Variants in MEI4 observed in about 807,000 individuals in gnomAD.
MEI4 encodes the protein meiosis-specific protein MEI4.
MEI4 carries 27 observed loss-of-function variants against 31.4 expected under a neutral mutation model. The ratio of observed to expected loss-of-function variants is 0.86; its 90% CI spans 0.63 to 1.19. The LOEUF (loss-of-function observed/expected upper bound fraction) is 1.19. MEI4 is among the 50% of genes most tolerant of loss of function. MEI4 has a pLI of 0.00. For missense variants in MEI4, 329 were observed against 398.9 expected (o/e 0.82, Z 1.49); for synonymous variants, 122 against 145.4 (o/e 0.84, Z 1.16).
intron 2 of MEI4, among the ~76,000 whole-genome samples, chr6:77,714,595 C>T (rs1766538489): frequency 1.3e-5 from 2 of 152,144 alleles, no homozygotes; most frequent in African/African-American, 4.8e-5. Flanking sequence ...ACAGTGAAGA[C>T]CACGTTTTAA....
chr6:77,652,224 G>A (rs1170720828), upstream of MEI4, among the ~76,000 whole-genome samples: 3 of 152,168 alleles, frequency 2.0e-5, no homozygotes, highest in Non-Finnish European at 4.4e-5. Context: ...CAATCATAAT[G>A]ACGAGATACT....
At chr6:77,775,114 GACCTCCTGGACAATTCAGGATT>G (rs147790738) in intron 3 of MEI4, among the ~76,000 whole-genome samples, 8,542 of 152,068 alleles carry the variant, frequency 0.056, 654 homozygotes, top group African/African-American at 0.17. Flanking sequence ...GGCATTTAGG[GACCTCCTGGACAATTCAGGATT>G]ACCTCTTCAT....
chr6:77,838,869 C>T (rs987578857), intron 4 of MEI4, among the ~76,000 whole-genome samples: 2 of 151,538 alleles, frequency 1.3e-5, no homozygotes, highest in African/African-American at 4.9e-5. Flanking sequence ...TGCCATTGCA[C>T]TCCAACCTGG....
intron 4 of MEI4, among the ~76,000 whole-genome samples, chr6:77,866,118 A>G (rs1342965230): frequency 6.6e-6 from 1 of 151,928 alleles, no homozygotes; most frequent in Non-Finnish European, 1.5e-5. Context: ...CCCACAGCCA[A>G]TATCATACTG....
intron 4 of MEI4, among the ~76,000 whole-genome samples, chr6:77,846,017 TTTCTA>T (rs1770475209): frequency 6.6e-6 from 1 of 152,068 alleles, no homozygotes; most frequent in South Asian, 2.1e-4. Context: ...CATTTCTTCT[TTTCTA>T]TTACATATCA....
intron 4 of MEI4, among the ~76,000 whole-genome samples, chr6:77,844,031 A>C (rs1770422748): frequency 6.6e-6 from 1 of 152,084 alleles, no homozygotes; most frequent in South Asian, 2.1e-4. Context: ...TTTATCCCTA[A>C]GGAGTTAAAT....
chr6:77,866,100 A>G (rs541830235), intron 4 of MEI4, among the ~76,000 whole-genome samples: 84 of 151,882 alleles, frequency 5.5e-4, no homozygotes, highest in Non-Finnish European at 1.0e-3. Flanking sequence ...AGAGCTATCT[A>G]TGACAAACCC....
At chr6:77,867,053 C>G (rs1374336058) in intron 4 of MEI4, among the ~76,000 whole-genome samples, 1 of 152,140 alleles carries the variant, frequency 6.6e-6, no homozygotes, top group Non-Finnish European at 1.5e-5. Flanking sequence ...TCTTCCTTAA[C>G]ACCTTATACA....
At chr6:77,682,099 T>A (rs1331929253) in intron 1 of MEI4, among the ~76,000 whole-genome samples, 1 of 152,176 alleles carries the variant, frequency 6.6e-6, no homozygotes, top group East Asian at 1.9e-4. Flanking sequence ...ATCTCAAAAG[T>A]CTTGTAATTT....
At chr6:77,805,771 T>C (rs9343669) in intron 3 of MEI4, among the ~76,000 whole-genome samples, 22,644 of 152,070 alleles carry the variant, frequency 0.15, 2,050 homozygotes, top group East Asian at 0.39. Context: ...GTCTCTTACA[T>C]AGATAATTTT....
At chr6:77,799,659 T>A (rs1169134408) in intron 3 of MEI4, among the ~76,000 whole-genome samples, 3 of 152,170 alleles carry the variant, frequency 2.0e-5, no homozygotes, top group African/African-American at 7.2e-5. Context: ...CCGTCTTGAA[T>A]TAATTTTTGT....
At chr6:77,834,749 T>A (rs544927061) in intron 4 of MEI4, among the ~76,000 whole-genome samples, 4 of 152,200 alleles carry the variant, frequency 2.6e-5, no homozygotes, top group Non-Finnish European at 4.4e-5. Context: ...AGGGTAAAGA[T>A]TAAAGGCTGG....
At chr6:77,691,038 A>G (rs1769148363) in intron 2 of MEI4, 135 bp downstream of exon 2, 2 of 423,034 alleles carry the variant, frequency 4.7e-6, no homozygotes, top group East Asian at 7.1e-5. Context: ...AGCCTTATAC[A>G]TTTTTTTACT....
chr6:77,760,109 C>T (rs1768008195), intron 2 of MEI4, among the ~76,000 whole-genome samples: 1 of 152,088 alleles, frequency 6.6e-6, no homozygotes, highest in Admixed American at 6.6e-5. Flanking sequence ...GCTTTAAATG[C>T]AGTATTTTTC....
At chr6:77,805,970 AAAGAATATTTCTTCCT>A (rs1453092434) in intron 3 of MEI4, among the ~76,000 whole-genome samples, 1 of 152,120 alleles carries the variant, frequency 6.6e-6, no homozygotes, top group Non-Finnish European at 1.5e-5. Context: ...CTTAGGATGT[AAAGAATATTTCTTCCT>A]AAGAGAAGAG....
At chr6:77,880,819 G>C (rs1433313891) in intron 4 of MEI4, among the ~76,000 whole-genome samples, 3 of 151,830 alleles carry the variant, frequency 2.0e-5, no homozygotes, top group Non-Finnish European at 4.4e-5. Context: ...ACAATTTCAG[G>C]AAAATGGATA....
intron 1 of MEI4, among the ~76,000 whole-genome samples, chr6:77,654,232 T>C (rs1458950492): frequency 6.6e-6 from 1 of 152,198 alleles, no homozygotes; most frequent in Non-Finnish European, 1.5e-5. Context: ...ATAGGAATGA[T>C]TGATGGCTAA....
chr6:77,919,868 C>G (rs1766661753), intron 4 of MEI4, among the ~76,000 whole-genome samples: 1 of 150,446 alleles, frequency 6.6e-6, no homozygotes, highest in East Asian at 2.0e-4. Context: ...ATGCTACAAA[C>G]ACCTCTACGC....
chr6:77,908,419 T>C (rs977197664), intron 4 of MEI4, among the ~76,000 whole-genome samples: 14 of 152,154 alleles, frequency 9.2e-5, no homozygotes, highest in African/African-American at 3.1e-4. Context: ...GTTTCCCCAT[T>C]TCTTGTTTTT....
Sources: gnomAD v4.1 joint callset for allele counts (sites outside exome capture counted in the v4.1 genomes callset) on GRCh38, gnomAD v4.1.1 for gene constraint, MANE v1.5 for transcripts, NCBI Gene and HGNC (gene_info 2026-07-23, HGNC 2026-07-21) for gene names.